Variants in ITPRID2 observed in about 807,000 individuals in gnomAD.
ITPRID2 encodes the protein ITPR interacting domain containing 2.
A neutral mutation model predicts 124.3 loss-of-function variants in ITPRID2; 60 were observed. The observed-to-expected ratio is 0.48, with a 90% CI of 0.39 to 0.60. The LOEUF (loss-of-function observed/expected upper bound fraction) is 0.60, where lower values mean the gene tolerates loss of function less well. ITPRID2 is among the 20% of genes least tolerant of loss of function. The probability of loss-of-function intolerance (pLI) is 0.00; values close to 1 mark genes in which losing one functional copy is unlikely to be tolerated. For synonymous variants in ITPRID2, 521 were observed against 542.9 expected, an observed-to-expected ratio of 0.96 and a Z score of 0.56; for missense variants, 1,553 against 1,512.2, an observed-to-expected ratio of 1.03 and a Z score of -0.45.
At chr2:181,921,654 A>G (rs920804115) in intron 15 of ITPRID2, among the ~76,000 whole-genome samples, 1 of 152,022 alleles carries the variant, frequency 6.6e-6, no homozygotes, top group Non-Finnish European at 1.5e-5. Flanking sequence ...ATGAGTAACT[A>G]TTTTTCACTA....
chr2:181,891,783 G>GGGGCCGGGCGGGCGCTCGGCTCC lies in ITPRID2; in HGVS notation c.-283_-261dup, dbSNP rs1691699221. 4.5e-6 allele frequency: 1 copy of GGGGCCGGGCGGGCGCTCGGCTCC among 223,046 alleles called. No homozygotes were observed. The highest frequency in any genetic ancestry group is 8.7e-6 in the Non-Finnish European group (1 of 114,830). The allele number at this position is 223,046 out of a possible 1,614,324, so 13.8% of individuals were successfully genotyped here. A position where few individuals can be genotyped will look rare whatever the true frequency, so the allele number is the denominator to read the frequency against. On this transcript the variant is annotated 5_prime_UTR_variant, in exon 1 of 18. Coordinates refer to ENST00000431877, the MANE Select transcript of ITPRID2 (RefSeq NM_001130445.3). ...CGCGTCAGGCAGGGGGTGGGGAGCA[G>GGGGCCGGGCGGGCGCTCGGCTCC]GGGCCGGGCGGGCGCTCGGCTCCCA...
intron 16 of ITPRID2, among the ~76,000 whole-genome samples, chr2:181,926,833 A>G (rs1694905910): frequency 6.6e-6 from 1 of 152,082 alleles, no homozygotes; most frequent in Non-Finnish European, 1.5e-5. Flanking sequence ...GACTATACTC[A>G]TTGTTGTGAA....
chr2:181,899,131 G>C lies in ITPRID2; in HGVS notation c.503+19G>C, dbSNP rs111266735. 1 of 1,546,362 alleles carries C rather than the reference G, an allele frequency of 6.5e-7. No homozygotes were observed. Among genetic ancestry groups the C allele is most frequent in the East Asian group, 2.2e-5 (1 of 44,548 alleles). On this transcript the variant is annotated intron_variant, in intron 6 of 17. Coordinates refer to ENST00000431877, the MANE Select transcript of ITPRID2 (RefSeq NM_001130445.3). ...TTTCAAGGTAACTTATTCTGAAATT[G>C]TGTTGGAATTACATTGTGCTATAGA...
At chr2:181,895,693 G>A (rs1692142326) in intron 2 of ITPRID2, among the ~76,000 whole-genome samples, 1 of 151,918 alleles carries the variant, frequency 6.6e-6, no homozygotes, top group East Asian at 1.9e-4. Flanking sequence ...GGGTTGAGAA[G>A]AACAGACATT....
chr2:181,913,104 G>A (rs1574264168), intron 9 of ITPRID2, among the ~76,000 whole-genome samples: 1 of 150,974 alleles, frequency 6.6e-6, no homozygotes, highest in African/African-American at 2.4e-5. Flanking sequence ...GTCTTGCTCT[G>A]TCGCCCAGGC....
chr2:181,910,290 T>C lies in ITPRID2; in HGVS notation c.1486+319T>C, dbSNP rs1693497347. Among the ~76,000 whole-genome samples the C allele has an allele frequency of 6.6e-6, 1 of 152,206 alleles. No individual in the cohort carries two copies. Among genetic ancestry groups the C allele is most frequent in the East Asian group, 1.9e-4 (1 of 5,204 alleles). ...CAATGGATTAAGACTACCTTTTACA[T>C]TGTTATGACTGAAAAATATACTGGT... On this transcript the variant is annotated intron_variant, in intron 9 of 17. Coordinates refer to ENST00000431877, the MANE Select transcript of ITPRID2 (RefSeq NM_001130445.3). This position sits in a 1 kb window ranked among gnomAD's most constrained non-coding sequence, Gnocchi z 4.1.
Position 181,892,454 on chromosome 2 carries a change from GA to G in ITPRID2, c.212-160del, listed in dbSNP as rs1414677071. On this transcript the variant is annotated intron_variant, in intron 1 of 17. Transcript: ENST00000431877. The surrounding 1 kb of genome is among the most constrained non-coding windows in gnomAD (Gnocchi z 5.2). ...ACGAGGCGCCCCCAGCGTCAACACA[GA>G]CAACTGGGTGCCATCCGATTTCCCT... 2.6e-6 allele frequency: 3 copies of G among 1,139,416 alleles called. No homozygotes were observed. The African/African-American group carries it at 4.6e-5, about 18-fold the overall frequency. 70.6% of individuals were successfully genotyped at this position (1,139,416 alleles called of 1,614,324 possible).
Position 181,902,116 on chromosome 2 carries a change from A to G in ITPRID2, c.1063A>G (p.Met355Val), listed in dbSNP as rs759820809. 1.4e-5 allele frequency: 22 copies of G among 1,612,922 alleles called. No individual in the cohort carries two copies. In the East Asian group the frequency reaches 4.0e-4, roughly 29 times the overall value. ...KIMKKKESSSMLATVKEEVSG... is the reference protein window; with the variant it reads ...KIMKKKESSSVLATVKEEVSG... ...TATGAAGAAGAAAGAGTCATCTTCTATGTTGGCTACAGTTAAAGAAGAAGT... is the reference window on the plus strand; with the variant it reads ...TATGAAGAAGAAAGAGTCATCTTCTGTGTTGGCTACAGTTAAAGAAGAAGT... Residue 355 changes from methionine (M) to valine (V), a missense_variant, in exon 8 of 18, where the codon ATG becomes GTG. Met to Val is a conservative substitution (Grantham distance 21, BLOSUM62 1). Transcript: ENST00000431877. This position sits in a 1 kb window ranked among gnomAD's most constrained non-coding sequence, Gnocchi z 4.4.
chr2:181,892,716 C>T lies in ITPRID2; in HGVS notation c.257+56C>T. On this transcript the variant is annotated intron_variant, in intron 2 of 17. Coordinates refer to ENST00000431877, the MANE Select transcript of ITPRID2 (RefSeq NM_001130445.3). The surrounding 1 kb of genome is among the most constrained non-coding windows in gnomAD (Gnocchi z 5.2). ...GGGGAGATCCGTGCGGACGGGACGC[C>T]GGAGCAGAGCCACTCGGGCCGCGTC... 6.2e-7 allele frequency: 1 copy of T among 1,603,020 alleles called. No homozygotes were observed.
intron 6 of ITPRID2, 43 bp from the exon 7 acceptor site, chr2:181,900,648 ATTTAT>A (rs1558983283): frequency 2.2e-6 from 3 of 1,362,954 alleles, no homozygotes; most frequent in Non-Finnish European, 3.1e-6. Flanking sequence ...TGGACTATCA[ATTTAT>A]TTTATATTTT....
At position 181,896,014 on chromosome 2, in the gene ITPRID2, G is replaced by A. The variant is rs369219118; in HGVS notation, c.258-16G>A. 7.4e-5 allele frequency: 119 copies of A among 1,611,420 alleles called. 1 individual carries two copies. Among genetic ancestry groups the A allele is most frequent in the Admixed American group, 1.3e-4 (8 of 59,944 alleles). The stretch of plus-strand genomic sequence containing the variant: ...CCTTTCACAAGACTAAGGCTTATAC[G>A]TTTATATGGTTTCAGTACACCTTTG... On this transcript the variant is annotated splice_polypyrimidine_tract_variant and intron_variant, in intron 2 of 17. Coordinates refer to ENST00000431877, the MANE Select transcript of ITPRID2 (RefSeq NM_001130445.3). This position sits in a 1 kb window ranked among gnomAD's most constrained non-coding sequence, Gnocchi z 4.3.
intron 15 of ITPRID2, 82 bp from the exon 16 acceptor site, chr2:181,921,866 T>C: frequency 8.2e-7 from 1 of 1,220,994 alleles, no homozygotes. Context: ...TTTTAGGCAA[T>C]AATGACAACC....
chr2:181,909,899 G>T lies in ITPRID2; in HGVS notation c.1414G>T (p.Val472Phe), dbSNP rs1447261880. Reference sequence around the variant, plus strand: ...TTAACTACTTAAAACTCTTCTTAAGGTTCAAAGTACGGAGGGAGAAGCTCC... The same window carrying T: ...TTAACTACTTAAAACTCTTCTTAAGTTTCAAAGTACGGAGGGAGAAGCTCC... ...QQKDSFEMEE[V>F]QSTEGEAPHV... The change falls in exon 9 of 18, where the codon GTT becomes TTT. Residue 472 changes from valine to phenylalanine, a missense_variant and splice_region_variant. By Grantham distance (50) the Val-to-Phe change is conservative (BLOSUM62 -1). Coordinates refer to ENST00000431877, the MANE Select transcript of ITPRID2 (RefSeq NM_001130445.3). 1.2e-6 allele frequency: 2 copies of T among 1,612,636 alleles called. No homozygotes were observed. The highest frequency in any genetic ancestry group is 2.2e-5 in the East Asian group (1 of 44,822).
At chr2:181,926,253 G>A (rs926254571) in intron 16 of ITPRID2, among the ~76,000 whole-genome samples, 1 of 152,120 alleles carries the variant, frequency 6.6e-6, no homozygotes, top group African/African-American at 2.4e-5. Flanking sequence ...GACACAGCAA[G>A]ACTCTGTCAC....
In ITPRID2 at chr2:181,901,596, A is replaced by C. The variant is rs183818634; in HGVS notation, c.713-170A>C. ...TAGAGTAAAAATCTTGCTCCTTCCC[A>C]CCCAGTGAATGTAGAGAAGGTTTAA... On this transcript the variant is annotated intron_variant, in intron 7 of 17. Coordinates refer to ENST00000431877, the MANE Select transcript of ITPRID2 (RefSeq NM_001130445.3). Among the ~76,000 whole-genome samples, 88 of 152,242 alleles carry C rather than the reference A, an allele frequency of 5.8e-4. 1 individual carries two copies. Among genetic ancestry groups the C allele is most frequent in the Admixed American group, 2.5e-3 (38 of 15,286 alleles).
chr2:181,927,848 A>AT (rs1342231417), intron 16 of ITPRID2, among the ~76,000 whole-genome samples: 2 of 152,160 alleles, frequency 1.3e-5, no homozygotes, highest in Admixed American at 6.5e-5. Flanking sequence ...CTTCCAGATT[A>AT]TTTTTTTGAC....
intron 8 of ITPRID2, among the ~76,000 whole-genome samples, chr2:181,909,397 T>G (rs1329509557): frequency 6.6e-6 from 1 of 152,224 alleles, no homozygotes; most frequent in East Asian, 1.9e-4. Flanking sequence ...GGTCATAATG[T>G]GCTGTAGTGA....
intron 10 of ITPRID2, among the ~76,000 whole-genome samples, chr2:181,914,722 T>A (rs1693890814): frequency 6.6e-6 from 1 of 152,120 alleles, no homozygotes; most frequent in African/African-American, 2.4e-5. Flanking sequence ...AGTGTTCAGC[T>A]AAGGGAAATA....
intron 4 of ITPRID2, among the ~76,000 whole-genome samples, chr2:181,897,663 T>A (rs1692314758): frequency 6.6e-6 from 1 of 151,860 alleles, no homozygotes; most frequent in Non-Finnish European, 1.5e-5. Flanking sequence ...CATAGATTAT[T>A]CATAGCTGTA....
Sources: allele counts gnomAD v4.1 joint callset (sites outside exome capture counted in the v4.1 genomes callset), GRCh38; gene constraint gnomAD v4.1.1; non-coding constraint Gnocchi (gnomAD v3.1); transcripts MANE v1.5; gene names NCBI Gene and HGNC (gene_info 2026-07-23, HGNC 2026-07-21).